The following GPHN variants were observed in gnomAD, a reference collection of about 807,000 sequenced individuals.
GPHN encodes gephyrin.
A neutral mutation model predicts 95.5 loss-of-function variants in GPHN; 17 were observed. That is an observed-to-expected ratio of 0.18 (90% CI 0.12 to 0.27). The LOEUF (loss-of-function observed/expected upper bound fraction) is 0.27. GPHN is among the 10% of genes least tolerant of loss of function. The probability of loss-of-function intolerance (pLI) is 1.00; values close to 1 mark genes in which losing one functional copy is unlikely to be tolerated. For missense variants in GPHN, 660 were observed against 978.1 expected (o/e 0.67, Z 4.34); for synonymous variants, 320 against 322.5 (o/e 0.99, Z 0.08).
At chr14:67,011,891 G>T (rs1230567276) in intron 9 of GPHN, among the ~76,000 whole-genome samples, 1 of 148,724 alleles carries the variant, frequency 6.7e-6, no homozygotes, top group Admixed American at 6.7e-5. Flanking sequence ...AAAATAAACT[G>T]GTCAGAAGCA....
chr14:67,237,877 G>T, the GPHN span, among the ~76,000 whole-genome samples: 1 of 152,088 alleles, frequency 6.6e-6, no homozygotes, highest in African/African-American at 2.4e-5. Flanking sequence ...TCTGACAGGG[G>T]GGTTTAAACC....
the GPHN span, among the ~76,000 whole-genome samples, chr14:67,366,148 T>C: frequency 1.3e-5 from 2 of 151,598 alleles, no homozygotes; most frequent in South Asian, 2.1e-4. Context: ...AGTGGTATGA[T>C]CATAGGTCGC....
chr14:66,798,755 A>C (rs1185087376), intron 3 of GPHN, among the ~76,000 whole-genome samples: 1 of 151,444 alleles, frequency 6.6e-6, no homozygotes, highest in Non-Finnish European at 1.5e-5. Flanking sequence ...TAATTTTTCA[A>C]AAAAAACTTA....
At chr14:67,508,403 G>A in the GPHN span, among the ~76,000 whole-genome samples, 1,016 of 152,162 alleles carry the variant, frequency 6.7e-3, 11 homozygotes, top group African/African-American at 0.024. Flanking sequence ...CAAATGATAA[G>A]AAAACTAAAA....
At chr14:67,170,563 A>G (rs985802733) in intron 21 of GPHN, among the ~76,000 whole-genome samples, 10 of 152,224 alleles carry the variant, frequency 6.6e-5, no homozygotes, top group African/African-American at 1.2e-4. Flanking sequence ...TAAAACAGAC[A>G]TAGCAGCCAT....
intron 17 of GPHN, among the ~76,000 whole-genome samples, chr14:67,128,349 C>T (rs1470707077): frequency 2.6e-5 from 4 of 152,048 alleles, no homozygotes; most frequent in Admixed American, 6.5e-5. Context: ...ATCTGCCTCC[C>T]GGGTTCAAGT....
chr14:67,490,337 G>A, the GPHN span, among the ~76,000 whole-genome samples: 23,832 of 152,010 alleles, frequency 0.16, 1,878 homozygotes, highest in African/African-American at 0.18. Flanking sequence ...CAGAGTGGGC[G>A]GCCTGGGTTT....
At chr14:67,204,451 A>G in the GPHN span, 1 of 1,406,226 alleles carries the variant, frequency 7.1e-7, no homozygotes. Context: ...CAAAACAAAC[A>G]AACAAATATA....
chr14:67,397,629 G>A, the GPHN span: 7 of 1,579,616 alleles, frequency 4.4e-6, no homozygotes, highest in South Asian at 7.0e-5. Context: ...CTGTGGAACA[G>A]AGAGGAGCTG....
At chr14:67,108,714 T>TGG (rs1312360701) in intron 13 of GPHN, among the ~76,000 whole-genome samples, 3 of 119,538 alleles carry the variant, frequency 2.5e-5, no homozygotes, top group African/African-American at 9.2e-5. Context: ...CCCTAAGGGG[T>TGG]GTGTGTGTGT....
chr14:67,292,565 C>T, the GPHN span: 42 of 1,613,258 alleles, frequency 2.6e-5, no homozygotes, highest in South Asian at 3.7e-4. Context: ...TTGGTAGATT[C>T]TCAGAGCCAG....
the GPHN span, among the ~76,000 whole-genome samples, chr14:67,201,953 A>G: frequency 3.3e-5 from 5 of 152,080 alleles, no homozygotes; most frequent in Non-Finnish European, 7.4e-5. Context: ...GTTTTTATAC[A>G]TGCTGTTCCT....
At chr14:66,564,142 G>A (rs1010539272) in intron 1 of GPHN, among the ~76,000 whole-genome samples, 4 of 151,988 alleles carry the variant, frequency 2.6e-5, no homozygotes, top group Non-Finnish European at 5.9e-5. Flanking sequence ...GGGAGATTGG[G>A]TTTAAAAAAA....
At chr14:66,957,500 A>G (rs1349261774) in intron 8 of GPHN, among the ~76,000 whole-genome samples, 1 of 151,954 alleles carries the variant, frequency 6.6e-6, no homozygotes, top group African/African-American at 2.4e-5. Flanking sequence ...CTGGTCCCAA[A>G]TTTCTTTCTG....
At chr14:67,497,408 T>G in the GPHN span, among the ~76,000 whole-genome samples, 2 of 151,902 alleles carry the variant, frequency 1.3e-5, no homozygotes, top group Non-Finnish European at 2.9e-5. Context: ...GGGCCCTCCT[T>G]CCAGTGCCGG....
chr14:66,894,087 C>G (rs938106129), intron 5 of GPHN, among the ~76,000 whole-genome samples: 2 of 152,164 alleles, frequency 1.3e-5, no homozygotes, highest in African/African-American at 4.8e-5. Context: ...AAGCTGGAGG[C>G]CTCACACTAC....
intron 18 of GPHN, among the ~76,000 whole-genome samples, chr14:67,157,866 C>T (rs10139792): frequency 0.28 from 35,620 of 129,464 alleles, 8,938 homozygotes; most frequent in African/African-American, 0.64. Flanking sequence ...GAGAGAGTGG[C>T]GGCGGGGGTG....
At chr14:67,057,357 G>A (rs760661093) in intron 10 of GPHN, among the ~76,000 whole-genome samples, 3 of 147,346 alleles carry the variant, frequency 2.0e-5, no homozygotes, top group Non-Finnish European at 4.4e-5. Flanking sequence ...ACCAAACACT[G>A]CATGTTCTCA....
intron 21 of GPHN, 106 bp downstream of exon 21, chr14:67,169,142 G>A: frequency 1.3e-6 from 1 of 767,518 alleles, no homozygotes; most frequent in South Asian, 1.4e-5. Flanking sequence ...TATTAGTTTT[G>A]ATGGAAAATG....
Sources: gnomAD v4.1 joint callset for allele counts (sites outside exome capture counted in the v4.1 genomes callset) on GRCh38, gnomAD v4.1.1 for gene constraint, MANE v1.5 for transcripts, NCBI Gene and HGNC (gene_info 2026-07-23, HGNC 2026-07-21) for gene names.